CNTNAP1: variants seen among roughly 807,000 people sequenced by gnomAD.
CNTNAP1 encodes the protein contactin-associated protein 1.
Under a neutral mutation model 161.5 loss-of-function variants are expected in CNTNAP1, and 80 were observed. That is an observed-to-expected ratio of 0.50 (90% confidence interval 0.41 to 0.60). The LOEUF (loss-of-function observed/expected upper bound fraction) is 0.60. Among genes scored for constraint, CNTNAP1 ranks in the 20% least tolerant of loss-of-function variants. CNTNAP1 has a pLI of 0.00. For synonymous variants in CNTNAP1, 695 were observed against 733.1 expected, an observed-to-expected ratio of 0.95 and a Z score of 0.84; for missense variants, 1,464 against 1,854.8, an observed-to-expected ratio of 0.79 and a Z score of 3.87.
chr17:42,688,534 T>C lies in CNTNAP1; in HGVS notation c.1379T>C (p.Ile460Thr). The C allele has an allele frequency of 2.5e-6, 4 of 1,614,132 alleles. No individual in the cohort carries two copies. Among genetic ancestry groups the C allele is most frequent in the Non-Finnish European group, 3.4e-6 (4 of 1,180,010 alleles). ...CAGGAAAACCATGCAGTTATCAGCA[T>C]TGATGATGTGGAAGGGGCAGAGGTC... ...VAQENHAVIS[I>T]DDVEGAEVRV... The change falls in exon 9 of 24, where the codon ATT becomes ACT. Residue 460 changes from isoleucine (I) to threonine (T), a missense_variant. By Grantham distance (89) the Ile-to-Thr change is moderately conservative (BLOSUM62 -1). This residue lies in a region of CNTNAP1 where 1,383 missense variants were observed against 1,765.0 expected (regional missense o/e 0.78). Transcript: ENST00000264638.
Position 42,683,996 on chromosome 17 carries a change from G to A in CNTNAP1, c.170-40G>A, listed in dbSNP as rs766659303. The A allele has an allele frequency of 3.1e-6, 5 of 1,613,370 alleles. No homozygotes were observed. In the Admixed American group the frequency reaches 5.0e-5, roughly 16 times the overall value. On this transcript the variant is annotated intron_variant, in intron 2 of 23. Coordinates refer to ENST00000264638, the MANE Select transcript of CNTNAP1 (RefSeq NM_003632.3). ...GGTGGGGGCCTCCGGAGGACTTCGG[G>A]GAGAGGGATAGCCGGTTAAAGCTCC... is the stretch of plus-strand genomic sequence containing the variant.
chr17:42,694,282 C>T (rs1021422452), intron 18 of CNTNAP1, among the ~76,000 whole-genome samples: 9 of 151,904 alleles, frequency 5.9e-5, no homozygotes, highest in Non-Finnish European at 1.2e-4. Flanking sequence ...AGCGATTCTC[C>T]TGCCTCAGCC....
chr17:42,692,086 CT>C, intron 16 of CNTNAP1, 95 bp downstream of exon 16: 2 of 1,295,798 alleles, frequency 1.5e-6, no homozygotes, highest in Non-Finnish European at 2.2e-6. Context: ...GGCAGATGCC[CT>C]TTTGACAGGC....
rs1283543582 is a variant in CNTNAP1, at chr17:42,696,044, T to C, written c.3366T>C (p.Tyr1122=). 7 of 1,614,004 alleles carry C rather than the reference T, an allele frequency of 4.3e-6. No homozygotes were observed. Among genetic ancestry groups the C allele is most frequent in the Non-Finnish European group, 5.1e-6 (6 of 1,180,034 alleles). Residue 1122 remains tyrosine (Y), a synonymous_variant, in exon 20 of 24, where the codon TAT becomes TAC. Transcript: ENST00000264638. ...IKDDGTLQLR[Y]QLGTSPYVYQ... The stretch of plus-strand genomic sequence containing the variant: ...CCACAGGGACCCTTCAGCTGCGATA[T>C]CAGCTGGGCACCAGTCCCTACGTGT...
intron 1 of CNTNAP1, 122 bp from the exon 2 acceptor site, chr17:42,683,699 G>T: frequency 6.8e-7 from 1 of 1,471,684 alleles, no homozygotes; most frequent in South Asian, 1.4e-5. Context: ...GTAGGGCTGG[G>T]TGTGCCTCTG....
Position 42,693,248 on chromosome 17 carries a change from C to T in CNTNAP1, c.2753-49C>T, listed in dbSNP as rs377278887. 1,226 of 1,605,710 alleles carry T rather than the reference C, an allele frequency of 7.6e-4. 1 individual carries two copies. Among genetic ancestry groups the T allele is most frequent in the Non-Finnish European group, 9.9e-4 (1,165 of 1,173,924 alleles). ...TGCTGGGATTACAGGCGTGAGCCAC[C>T]GCGCCTGGCCCTGCCTCCATTTCTT... On this transcript the variant is annotated intron_variant, in intron 17 of 23. Coordinates refer to ENST00000264638, the MANE Select transcript of CNTNAP1 (RefSeq NM_003632.3).
intron 9 of CNTNAP1, 131 bp downstream of exon 9, chr17:42,688,742 G>T: frequency 6.6e-7 from 1 of 1,507,362 alleles, no homozygotes; most frequent in South Asian, 1.2e-5. Context: ...CTCAGGGAGT[G>T]GAAGGTCATT....
chr17:42,698,008 C>T (rs938801815), intron 23 of CNTNAP1, 58 bp downstream of exon 23: 16 of 1,584,050 alleles, frequency 1.0e-5, no homozygotes, highest in African/African-American at 5.4e-5. Flanking sequence ...CTGTCAGCAT[C>T]CTTTCCCTGC....
Position 42,685,461 on chromosome 17 carries a change from A to C in CNTNAP1, c.715+41A>C, listed in dbSNP as rs778544132. ...ATGTGCGATGCGGAGCCAACCCCTG[A>C]AGCTCTCTCACCGCCCTCCTCGTGG... On this transcript the variant is annotated intron_variant, in intron 5 of 23. Coordinates refer to ENST00000264638, the MANE Select transcript of CNTNAP1 (RefSeq NM_003632.3). This position sits in a 1 kb window ranked among gnomAD's most constrained non-coding sequence, Gnocchi z 5.0. 1 of 1,562,990 alleles carries C rather than the reference A, an allele frequency of 6.4e-7. No individual in the cohort carries two copies. The highest frequency in any genetic ancestry group is 1.1e-5 in the South Asian group (1 of 88,642).
intron 20 of CNTNAP1, among the ~76,000 whole-genome samples, chr17:42,696,468 C>T (rs1191288861): frequency 6.6e-6 from 1 of 151,886 alleles, no homozygotes; most frequent in Non-Finnish European, 1.5e-5. Flanking sequence ...AGATTACAGG[C>T]ATGCGCCACA....
intron 16 of CNTNAP1, 102 bp downstream of exon 16, chr17:42,692,093 C>T (rs770236185): frequency 3.0e-5 from 37 of 1,234,846 alleles, no homozygotes; most frequent in Admixed American, 5.9e-5. Context: ...GCCCTTTTGA[C>T]AGGCAGCATG....
At chr17:42,694,316 T>A (rs576236868) in intron 18 of CNTNAP1, among the ~76,000 whole-genome samples, 1 of 151,704 alleles carries the variant, frequency 6.6e-6, no homozygotes. Context: ...GGATTACAAG[T>A]GTGTGCCACC....
intron 3 of CNTNAP1, 40 bp downstream of exon 3, chr17:42,684,269 C>T: frequency 6.3e-7 from 1 of 1,577,022 alleles, no homozygotes; most frequent in Non-Finnish European, 8.6e-7. Context: ...GGGGAGCTTC[C>T]TCTGCTCCAG....
At chr17:42,686,469 GTTTTTT>G (rs748366958) in intron 6 of CNTNAP1, among the ~76,000 whole-genome samples, 7 of 71,376 alleles carry the variant, frequency 9.8e-5, no homozygotes, top group African/African-American at 2.3e-4. Context: ...AAAAAGGCCT[GTTTTTT>G]TTTTTTTTTT....
rs971359223 is a variant in CNTNAP1, at chr17:42,682,683, C to T, written c.-147C>T. On this transcript the variant is annotated 5_prime_UTR_variant, in exon 1 of 24. Coordinates refer to ENST00000264638, the MANE Select transcript of CNTNAP1 (RefSeq NM_003632.3). The stretch of plus-strand genomic sequence containing the variant: ...AGAGGAGAGACAGAGCGCTTGGGGG[C>T]GAAAGGAGAGAGGGAGGGAAGGGTG... 1.2e-5 allele frequency: 9 copies of T among 721,606 alleles called. No homozygotes were observed. The highest frequency in any genetic ancestry group is 2.8e-5 in the East Asian group (1 of 36,300). The allele number at this position is 721,606 out of a possible 1,614,324, so 44.7% of individuals were successfully genotyped here.
intron 22 of CNTNAP1, 29 bp downstream of exon 22, chr17:42,697,828 G>A: frequency 2.5e-6 from 4 of 1,614,118 alleles, no homozygotes; most frequent in Non-Finnish European, 3.4e-6. Flanking sequence ...GAGGACAGAA[G>A]GGAGGGATGA....
At chr17:42,698,084 A>G (rs2053174166) in intron 23 of CNTNAP1, 134 bp downstream of exon 23, 1 of 1,011,966 alleles carries the variant, frequency 9.9e-7, no homozygotes, top group Admixed American at 1.8e-5. Flanking sequence ...GGATGATGAG[A>G]CAGGCTATGC....
At chr17:42,686,879 C>T (rs1253162508) in intron 6 of CNTNAP1, 24 bp from the exon 7 acceptor site, 1 of 1,582,812 alleles carries the variant, frequency 6.3e-7, no homozygotes, top group Non-Finnish European at 8.6e-7. Flanking sequence ...GCCCAAGAGG[C>T]CTCATTCCCC....
In CNTNAP1 at chr17:42,687,884, G is replaced by A. The variant is rs1173187040; in HGVS notation, c.1209G>A (p.Leu403=). The A allele has an allele frequency of 6.2e-7, 1 of 1,614,130 alleles. No individual in the cohort carries two copies. Among genetic ancestry groups the A allele is most frequent in the African/African-American group, 1.3e-5 (1 of 74,956 alleles). ...DLTGLLLFSR[L]GDGLGHVELT... ...CCGGGCTTCTCCTTTTCTCCCGTCT[G>A]GGGGACGGGCTGGGCCACGTGGAGC... The change falls in exon 8 of 24, where the codon CTG becomes CTA. Residue 403 remains leucine (L), a synonymous_variant. Transcript: ENST00000264638. The surrounding 1 kb of genome is among the most constrained non-coding windows in gnomAD (Gnocchi z 4.7).
Sources: gnomAD v4.1 joint callset for allele counts (sites outside exome capture counted in the v4.1 genomes callset) on GRCh38, gnomAD v4.1.1 for gene constraint, gnomAD v4.1.1 regional missense constraint, Gnocchi (gnomAD v3.1) non-coding constraint, MANE v1.5 for transcripts, NCBI Gene and HGNC (gene_info 2026-07-23, HGNC 2026-07-21) for gene names.